HIVEP1: variants seen among roughly 807,000 people sequenced by gnomAD.
HIVEP1 encodes HIVEP zinc finger 1, also known as zinc finger protein 40.
Under a neutral mutation model 180.0 loss-of-function variants are expected in HIVEP1, and 36 were observed. That is an observed-to-expected ratio of 0.20 (90% CI 0.15 to 0.26). The LOEUF (loss-of-function observed/expected upper bound fraction) is 0.26. HIVEP1 is among the 10% of genes least tolerant of loss of function. The pLI is 1.00. For missense variants in HIVEP1, 3,143 were observed against 3,268.7 expected, an observed-to-expected ratio of 0.96 and a Z score of 0.94; for synonymous variants, 1,239 against 1,239.0, an observed-to-expected ratio of 1.00 and a Z score of 0.00.
chr6:12,171,602 G>GAAATAATAA, the HIVEP1 span, among the ~76,000 whole-genome samples: 294 of 152,270 alleles, frequency 1.9e-3, no homozygotes, highest in African/African-American at 6.8e-3. Context: ...TCACAGAGCA[G>GAAATAATAA]AAATAATAAA....
intron 7 of HIVEP1, among the ~76,000 whole-genome samples, chr6:12,141,698 A>C (rs1759045756): frequency 8.6e-6 from 1 of 116,146 alleles, no homozygotes; most frequent in Non-Finnish European, 1.6e-5. Context: ...AAGCAAAAAA[A>C]AAAAAAAAAA....
chr6:12,190,342 A>C, the HIVEP1 span, among the ~76,000 whole-genome samples: 1 of 152,210 alleles, frequency 6.6e-6, no homozygotes, highest in Admixed American at 6.5e-5. Context: ...CCAGAACAAA[A>C]GTTTCTTTCC....
the HIVEP1 span, among the ~76,000 whole-genome samples, chr6:12,192,740 G>A: frequency 2.1e-4 from 32 of 152,222 alleles, no homozygotes; most frequent in East Asian, 5.4e-3. Flanking sequence ...GGAACCATGA[G>A]TAAATTAAAT....
chr6:12,162,122 AG>A (rs1760446050), intron 8 of HIVEP1, among the ~76,000 whole-genome samples, 193 bp downstream of exon 8: 1 of 151,878 alleles, frequency 6.6e-6, no homozygotes, highest in African/African-American at 2.4e-5. Flanking sequence ...GAGTATCTTA[AG>A]CAGTTCAGAT....
intron 2 of HIVEP1, among the ~76,000 whole-genome samples, chr6:12,046,440 G>A (rs545818892): frequency 6.6e-6 from 1 of 152,228 alleles, no homozygotes; most frequent in Non-Finnish European, 1.5e-5. Context: ...ATGAGAAGCT[G>A]CAGCCCCCCT....
intron 2 of HIVEP1, among the ~76,000 whole-genome samples, chr6:12,069,242 T>A (rs1771805518): frequency 6.6e-6 from 1 of 152,168 alleles, no homozygotes; most frequent in South Asian, 2.1e-4. Flanking sequence ...CTGTAGGCAA[T>A]TACAGCACAG....
intron 3 of HIVEP1, among the ~76,000 whole-genome samples, chr6:12,099,782 A>C (rs933674438): frequency 6.6e-6 from 1 of 151,568 alleles, no homozygotes; most frequent in Non-Finnish European, 1.5e-5. Context: ...GGATTCCTTT[A>C]CTTAACAGGC....
At chr6:12,024,983 C>T (rs1231183240) in intron 2 of HIVEP1, among the ~76,000 whole-genome samples, 1 of 152,216 alleles carries the variant, frequency 6.6e-6, no homozygotes, top group East Asian at 1.9e-4. Context: ...AAGGGCGAAC[C>T]TTTCCACAGG....
chr6:12,035,343 A>C lies in HIVEP1; in HGVS notation c.40+19675A>C, dbSNP rs182148984. Reference sequence around the variant, plus strand: ...ATGTAAATGATGCATTATCTTTTTCAAGTTTAGATGCATACTGTTTGAGGA... The same window carrying C: ...ATGTAAATGATGCATTATCTTTTTCCAGTTTAGATGCATACTGTTTGAGGA... On this transcript the variant is annotated intron_variant, in intron 2 of 8. Transcript: ENST00000379388. Among the ~76,000 whole-genome samples, 13 of 152,344 alleles carry C rather than the reference A, an allele frequency of 8.5e-5. No individual in the cohort carries two copies. In the East Asian group the frequency reaches 2.5e-3, roughly 29 times the overall value.
intron 2 of HIVEP1, among the ~76,000 whole-genome samples, chr6:12,081,282 C>G (rs1408906198): frequency 6.6e-6 from 1 of 152,172 alleles, no homozygotes. Context: ...TTGCCTAGTT[C>G]CTGTTCAGCA....
At chr6:12,105,681 T>G (rs1030338415) in intron 3 of HIVEP1, among the ~76,000 whole-genome samples, 1 of 152,196 alleles carries the variant, frequency 6.6e-6, no homozygotes, top group Non-Finnish European at 1.5e-5. Context: ...TCTCACTTGC[T>G]TTTTAAAATG....
At chr6:12,192,441 T>TA in the HIVEP1 span, among the ~76,000 whole-genome samples, 1 of 152,332 alleles carries the variant, frequency 6.6e-6, no homozygotes, top group South Asian at 2.1e-4. Context: ...TGGGAACTGA[T>TA]ATGGTTTGGC....
intron 2 of HIVEP1, among the ~76,000 whole-genome samples, chr6:12,079,991 G>A (rs546719940): frequency 1.1e-4 from 16 of 146,266 alleles, no homozygotes; most frequent in Middle Eastern, 3.5e-3. Flanking sequence ...TCTGGTCTTT[G>A]AATTCTCCTT....
chr6:12,127,035 G>A (rs533180937), intron 4 of HIVEP1, among the ~76,000 whole-genome samples: 1 of 151,970 alleles, frequency 6.6e-6, no homozygotes, highest in East Asian at 1.9e-4. Context: ...TTGTATTTTT[G>A]GTAGAGACAG....
intron 2 of HIVEP1, among the ~76,000 whole-genome samples, chr6:12,087,665 C>T (rs928398016): frequency 6.6e-6 from 1 of 152,032 alleles, no homozygotes; most frequent in Admixed American, 6.6e-5. Flanking sequence ...ATACGGATTT[C>T]ATGCAAGCAT....
At chr6:12,118,639 A>C (rs896759235) in intron 3 of HIVEP1, among the ~76,000 whole-genome samples, 1 of 152,206 alleles carries the variant, frequency 6.6e-6, no homozygotes, top group African/African-American at 2.4e-5. Flanking sequence ...ATTGCTAATG[A>C]CAAAGAAACA....
intron 7 of HIVEP1, among the ~76,000 whole-genome samples, chr6:12,141,568 G>A (rs1759032177): frequency 6.6e-6 from 1 of 151,326 alleles, no homozygotes; most frequent in Admixed American, 6.6e-5. Context: ...AAAGACACAG[G>A]CAAATTGGAT....
chr6:12,059,438 T>C (rs1204024666), intron 2 of HIVEP1, among the ~76,000 whole-genome samples: 1 of 152,198 alleles, frequency 6.6e-6, no homozygotes, highest in Non-Finnish European at 1.5e-5. Context: ...ATGAATAATT[T>C]GAGTAATTTG....
the HIVEP1 span, among the ~76,000 whole-genome samples, chr6:12,202,419 G>A: frequency 2.6e-5 from 4 of 152,094 alleles, no homozygotes; most frequent in South Asian, 4.1e-4. Context: ...AATTATAGGC[G>A]GGAGCCACTG....
Sources: allele counts gnomAD v4.1 joint callset (sites outside exome capture counted in the v4.1 genomes callset), GRCh38; gene constraint gnomAD v4.1.1; transcripts MANE v1.5; gene names NCBI Gene and HGNC (gene_info 2026-07-23, HGNC 2026-07-21).